The following LARP4B variants were observed in gnomAD, a reference collection of about 807,000 sequenced individuals.
The protein encoded by LARP4B is La ribonucleoprotein 4B.
In LARP4B, 12 loss-of-function variants were observed where a neutral mutation model predicts 89.8. The ratio of observed to expected loss-of-function variants is 0.13; its 90% confidence interval spans 0.09 to 0.22. The LOEUF (loss-of-function observed/expected upper bound fraction) is 0.22. Ranked by LOEUF, LARP4B falls within the 10% of genes least tolerant of loss-of-function variation. The probability of loss-of-function intolerance (pLI) is 1.00; values close to 1 mark genes in which losing one functional copy is unlikely to be tolerated. For missense variants in LARP4B, 757 were observed against 947.7 expected, an observed-to-expected ratio of 0.80 and a Z score of 2.64; for synonymous variants, 367 against 363.3, an observed-to-expected ratio of 1.01 and a Z score of -0.12.
chr10:954,694 G>A, the LARP4B span, among the ~76,000 whole-genome samples: 2 of 152,132 alleles, frequency 1.3e-5, no homozygotes, highest in Non-Finnish European at 2.9e-5. The surrounding 1 kb of genome is among the most constrained non-coding windows in gnomAD (Gnocchi z 5.0). Context: ...CCGGCCGGGC[G>A]CATTCGCTCA....
the LARP4B span, among the ~76,000 whole-genome samples, chr10:975,282 T>G: frequency 2.0e-5 from 3 of 152,248 alleles, no homozygotes; most frequent in Admixed American, 6.5e-5. Context: ...CATCCACCCG[T>G]GGTGTCCCGA....
chr10:924,404 CAT>C (rs896426200), intron 1 of LARP4B: 1 of 152,240 alleles, frequency 6.6e-6, no homozygotes, highest in African/African-American at 2.4e-5. Context: ...GTAACACCCA[CAT>C]GTGACCACTC....
chr10:984,923 C>A, the LARP4B span, among the ~76,000 whole-genome samples: 3 of 152,104 alleles, frequency 2.0e-5, no homozygotes, highest in Admixed American at 6.6e-5. Flanking sequence ...CAGAGTGAGA[C>A]CCTGTCTCAT....
Position 812,293 on chromosome 10 carries a change from C to T in LARP4B, c.*633G>A, listed in dbSNP as rs1291009811. ...TTACTTGCTTGCAGTGCATCAGAAC[C>T]AAGGTTTCTGGGGTGGCCCCTGCAG... On this transcript the variant is annotated 3_prime_UTR_variant, in exon 18 of 18. Coordinates refer to ENST00000316157, the MANE Select transcript of LARP4B (RefSeq NM_015155.3). 6.6e-6 allele frequency: 1 copy of T among 152,634 alleles called. No individual in the cohort carries two copies. 9.5% of individuals were successfully genotyped at this position (152,634 alleles called of 1,614,324 possible). A position where few individuals can be genotyped will look rare whatever the true frequency, so the allele number is the denominator to read the frequency against.
At chr10:977,407 T>C in the LARP4B span, among the ~76,000 whole-genome samples, 8 of 152,216 alleles carry the variant, frequency 5.3e-5, no homozygotes, top group East Asian at 1.5e-3. Context: ...GGCGCTGTGA[T>C]GCGTGCCTGT....
At chr10:973,518 A>G in the LARP4B span, among the ~76,000 whole-genome samples, 1 of 151,746 alleles carries the variant, frequency 6.6e-6, no homozygotes, top group Non-Finnish European at 1.5e-5. Context: ...CACCCGGCTG[A>G]TTTTTTGTAT....
At chr10:818,180 C>T in intron 14 of LARP4B, 1 of 275,358 alleles carries the variant, frequency 3.6e-6, no homozygotes, top group Non-Finnish European at 6.9e-6. Context: ...CACTCACGAA[C>T]AGCAGGGGCA....
At chr10:971,551 A>G in the LARP4B span, 7 of 152,188 alleles carry the variant, frequency 4.6e-5, no homozygotes, top group African/African-American at 1.7e-4. Flanking sequence ...ACAGGGTGAA[A>G]TTGTTTTGCA....
At chr10:921,461 G>A (rs975981977) in intron 1 of LARP4B, among the ~76,000 whole-genome samples, 3 of 152,072 alleles carry the variant, frequency 2.0e-5, no homozygotes, top group Non-Finnish European at 2.9e-5. Context: ...CTCAATAACA[G>A]AATAAAACTA....
chr10:866,580 C>T (rs781644150), intron 3 of LARP4B, among the ~76,000 whole-genome samples: 4 of 152,208 alleles, frequency 2.6e-5, no homozygotes, highest in South Asian at 2.1e-4. Context: ...ATTCATTTCT[C>T]TATTCTCTTT....
chr10:848,566 T>TAA (rs71297917), intron 5 of LARP4B, among the ~76,000 whole-genome samples: 16,779 of 143,382 alleles, frequency 0.12, 1,141 homozygotes, highest in Non-Finnish European at 0.17. Flanking sequence ...TAAAAGTTAT[T>TAA]AAAAAAAAAA....
intron 3 of LARP4B, among the ~76,000 whole-genome samples, chr10:883,704 C>CGGGA (rs1835758572): frequency 6.7e-6 from 1 of 150,342 alleles, no homozygotes; most frequent in African/African-American, 2.4e-5. Context: ...GAGGCCAAGG[C>CGGGA]GGGAGGATCA....
intron 7 of LARP4B, among the ~76,000 whole-genome samples, chr10:838,772 A>G (rs1174297541): frequency 6.6e-6 from 1 of 152,224 alleles, no homozygotes; most frequent in Non-Finnish European, 1.5e-5. Flanking sequence ...TATTTATCCA[A>G]AGGAGCTAAA....
In LARP4B at chr10:846,722, C is replaced by T. The variant is rs544802088; in HGVS notation, c.431-1667G>A. Among the ~76,000 whole-genome samples, 10 of 152,202 alleles carry T rather than the reference C, an allele frequency of 6.6e-5. No individual in the cohort carries two copies. In the South Asian group the frequency reaches 1.9e-3, roughly 28 times the overall value. On this transcript the variant is annotated intron_variant, in intron 5 of 17. Transcript: ENST00000316157. ...GTAGACAGACTGTGCAGGCACCAGCCGGAAGATAATGCAATCACTGAGGAC... is the reference window on the plus strand; with the variant it reads ...GTAGACAGACTGTGCAGGCACCAGCTGGAAGATAATGCAATCACTGAGGAC...
chr10:966,152 G>C, the LARP4B span, among the ~76,000 whole-genome samples: 1 of 151,882 alleles, frequency 6.6e-6, no homozygotes. Context: ...GGAAGATAGA[G>C]AAGGAGAAAA....
In LARP4B at chr10:829,577, C is replaced by T; in HGVS notation, c.933G>A (p.Lys311=). The T allele has an allele frequency of 1.2e-6, 2 of 1,614,102 alleles. No homozygotes were observed. The highest frequency in any genetic ancestry group is 1.7e-5 in the Admixed American group (1 of 60,008). ...GKPIKARIKA[K]AIAINTFLPK... ...GCAAAAATGTGTTTATAGCTATTGC[C>T]TTTGCTTTTATCCGTGCCTGTTTGA... The change falls in exon 11 of 18, where the codon AAG becomes AAA. Residue 311 remains lysine (K), a synonymous_variant. Coordinates refer to ENST00000316157, the MANE Select transcript of LARP4B (RefSeq NM_015155.3).
Position 909,717 on chromosome 10 carries a change from G to A in LARP4B, c.-40+21711C>T, listed in dbSNP as rs572986888. On this transcript the variant is annotated intron_variant, in intron 1 of 17. Coordinates refer to ENST00000316157, the MANE Select transcript of LARP4B (RefSeq NM_015155.3). Reference sequence around the variant, plus strand: ...GGAAAATCACTTCAACCTGGGAAGCGGAGGTTGCAGTGAGCTGAGATCGCG... The same window carrying A: ...GGAAAATCACTTCAACCTGGGAAGCAGAGGTTGCAGTGAGCTGAGATCGCG... Among the ~76,000 whole-genome samples, 13 of 152,058 alleles carry A rather than the reference G, an allele frequency of 8.5e-5. No homozygotes were observed. In the South Asian group the frequency reaches 1.2e-3, roughly 15 times the overall value.
the LARP4B span, among the ~76,000 whole-genome samples, chr10:943,506 G>A: frequency 6.6e-6 from 1 of 152,030 alleles, no homozygotes; most frequent in Admixed American, 6.5e-5. Flanking sequence ...CATGGCTCAC[G>A]GCAGCCTCAA....
At chr10:823,865 G>T (rs552078093) in intron 13 of LARP4B, among the ~76,000 whole-genome samples, 6 of 152,286 alleles carry the variant, frequency 3.9e-5, no homozygotes, top group South Asian at 4.1e-4. Context: ...CTGATGCCAT[G>T]TTTCCTGTGA....
Sources: gnomAD v4.1 joint callset for allele counts (sites outside exome capture counted in the v4.1 genomes callset) on GRCh38, gnomAD v4.1.1 for gene constraint, Gnocchi (gnomAD v3.1) non-coding constraint, MANE v1.5 for transcripts, NCBI Gene and HGNC (gene_info 2026-07-23, HGNC 2026-07-21) for gene names.